The following SNTG1 variants were observed in gnomAD, a reference collection of about 807,000 sequenced individuals.
The protein encoded by SNTG1 is syntrophin gamma 1.
SNTG1 carries 39 observed loss-of-function variants against 74.7 expected under a neutral mutation model. The ratio of observed to expected loss-of-function variants is 0.52; its 90% confidence interval spans 0.40 to 0.68. The LOEUF (loss-of-function observed/expected upper bound fraction) is 0.68. Among genes scored for constraint, SNTG1 ranks in the 30% least tolerant of loss-of-function variants. The pLI is 0.00. For synonymous variants in SNTG1, 254 were observed against 217.1 expected (o/e 1.17, Z -1.49); for missense variants, 685 against 609.5 (o/e 1.12, Z -1.30).
At chr8:50,343,868 G>A (rs2091392995) in intron 2 of SNTG1, among the ~76,000 whole-genome samples, 1 of 152,292 alleles carries the variant, frequency 6.6e-6, no homozygotes, top group African/African-American at 2.4e-5. Context: ...GCTTAATAGA[G>A]TTAAAATACA....
At chr8:50,669,743 G>A (rs973414292) in intron 15 of SNTG1, among the ~76,000 whole-genome samples, 11 of 151,852 alleles carry the variant, frequency 7.2e-5, no homozygotes, top group Admixed American at 3.9e-4. Context: ...AACCAAAAAA[G>A]AGAATTTTAG....
At chr8:50,269,670 A>G (rs1368512835) in intron 2 of SNTG1, among the ~76,000 whole-genome samples, 1 of 152,212 alleles carries the variant, frequency 6.6e-6, no homozygotes, top group African/African-American at 2.4e-5. Context: ...ATTTATGTGT[A>G]AACTTTTAGT....
intron 1 of SNTG1, among the ~76,000 whole-genome samples, chr8:50,167,746 G>A (rs1048849530): frequency 1.3e-5 from 2 of 150,180 alleles, no homozygotes; most frequent in African/African-American, 4.9e-5. Context: ...CTGGCAATTC[G>A]AGGTTGCAGT....
rs557779324 is a variant in SNTG1 at position 50,778,124 on chromosome 8, C to T, written c.1396-14547C>T. Among the ~76,000 whole-genome samples the T allele has an allele frequency of 1.5e-3, 222 of 152,204 alleles. 1 individual carries two copies. Among genetic ancestry groups the T allele is most frequent in the African/African-American group, 5.0e-3 (208 of 41,510 alleles). On this transcript the variant is annotated intron_variant, in intron 18 of 18. Transcript: ENST00000642720. ...TCATTGATGGACATTTGGGTTGCTT[C>T]CAAGTGTTTGCTATTGTGAATAGTG...
At chr8:50,024,389 A>C (rs1401726275) in intron 1 of SNTG1, among the ~76,000 whole-genome samples, 3 of 152,178 alleles carry the variant, frequency 2.0e-5, no homozygotes, top group Non-Finnish European at 4.4e-5. Flanking sequence ...GTCACTTACT[A>C]AAGGAAACCT....
chr8:50,676,661 G>A (rs2095310838), intron 15 of SNTG1, among the ~76,000 whole-genome samples: 1 of 151,374 alleles, frequency 6.6e-6, no homozygotes, highest in African/African-American at 2.4e-5. Flanking sequence ...TCACACTATT[G>A]TTTTTAAATA....
At chr8:50,109,981 G>A (rs1408746932) in intron 1 of SNTG1, among the ~76,000 whole-genome samples, 2 of 152,036 alleles carry the variant, frequency 1.3e-5, no homozygotes, top group Non-Finnish European at 2.9e-5. Flanking sequence ...TCTAGTTTCT[G>A]CCCAGGCTTG....
At chr8:50,028,832 T>C (rs964014559) in intron 1 of SNTG1, among the ~76,000 whole-genome samples, 3 of 152,218 alleles carry the variant, frequency 2.0e-5, no homozygotes, top group African/African-American at 7.2e-5. Context: ...CATTGCGTCA[T>C]AAGATTCCAT....
At chr8:50,346,813 C>T (rs2091491909) in intron 2 of SNTG1, among the ~76,000 whole-genome samples, 1 of 152,220 alleles carries the variant, frequency 6.6e-6, no homozygotes, top group Non-Finnish European at 1.5e-5. Flanking sequence ...AAGCCAAAAC[C>T]TAATTCACAG....
chr8:50,285,987 G>A (rs1189437782), intron 2 of SNTG1, among the ~76,000 whole-genome samples: 1 of 151,498 alleles, frequency 6.6e-6, no homozygotes, highest in African/African-American at 2.4e-5. Flanking sequence ...TTTCACAATT[G>A]CCATTTTGTT....
intron 17 of SNTG1, among the ~76,000 whole-genome samples, chr8:50,743,516 G>A (rs2095548438): frequency 6.6e-6 from 1 of 151,526 alleles, no homozygotes; most frequent in Admixed American, 6.6e-5. Context: ...TATGAAAAAC[G>A]ACCCACAGAT....
At chr8:50,416,113 C>T (rs1167675825) in intron 4 of SNTG1, among the ~76,000 whole-genome samples, 1 of 152,130 alleles carries the variant, frequency 6.6e-6, no homozygotes, top group East Asian at 1.9e-4. Flanking sequence ...TCTGTGACAG[C>T]AGTCTGTGCA....
chr8:50,280,656 G>A (rs1023987986), intron 2 of SNTG1, among the ~76,000 whole-genome samples: 9 of 152,272 alleles, frequency 5.9e-5, no homozygotes, highest in African/African-American at 2.2e-4. Flanking sequence ...AGGATTTTCT[G>A]ACTGGCAATT....
At chr8:49,936,900 G>C (rs1311219260) in intron 1 of SNTG1, among the ~76,000 whole-genome samples, 1 of 152,188 alleles carries the variant, frequency 6.6e-6, no homozygotes, top group Non-Finnish European at 1.5e-5. Context: ...TGTAATCCCA[G>C]CACTTTGGGA....
At chr8:50,733,660 T>C (rs2095518511) in intron 17 of SNTG1, among the ~76,000 whole-genome samples, 2 of 152,042 alleles carry the variant, frequency 1.3e-5, no homozygotes, top group Admixed American at 1.3e-4. Context: ...TGGTTTTGAT[T>C]TGCATTTCTC....
intron 2 of SNTG1, among the ~76,000 whole-genome samples, chr8:50,177,698 A>G (rs1051121241): frequency 2.0e-5 from 3 of 152,318 alleles, no homozygotes; most frequent in Middle Eastern, 3.4e-3. Flanking sequence ...ACAGCCCCAC[A>G]CTTAATTGAA....
At chr8:50,104,142 G>T (rs564882103) in intron 1 of SNTG1, among the ~76,000 whole-genome samples, 1 of 152,158 alleles carries the variant, frequency 6.6e-6, no homozygotes, top group Non-Finnish European at 1.5e-5. Context: ...AATGGTACCA[G>T]TTCCTCCTTG....
chr8:50,107,811 A>G (rs1038397357), intron 1 of SNTG1, among the ~76,000 whole-genome samples: 2 of 152,156 alleles, frequency 1.3e-5, no homozygotes, highest in Non-Finnish European at 1.5e-5. Context: ...TAAGCCGCCC[A>G]AAGTGCTGGG....
intron 2 of SNTG1, among the ~76,000 whole-genome samples, chr8:50,243,570 T>C (rs1441974301): frequency 6.6e-6 from 1 of 152,190 alleles, no homozygotes; most frequent in African/African-American, 2.4e-5. Context: ...TAACCATTTT[T>C]AAACATCTTC....
Sources: gnomAD v4.1 joint callset for allele counts (sites outside exome capture counted in the v4.1 genomes callset) on GRCh38, gnomAD v4.1.1 for gene constraint, MANE v1.5 for transcripts, NCBI Gene and HGNC (gene_info 2026-07-23, HGNC 2026-07-21) for gene names.